Variants in PLXNA4 observed in about 807,000 individuals in gnomAD.
PLXNA4 encodes the protein plexin-A4.
In PLXNA4, 44 loss-of-function variants were observed where a neutral mutation model predicts 191.8. That is an observed-to-expected ratio of 0.23 (90% confidence interval 0.18 to 0.29). The LOEUF (loss-of-function observed/expected upper bound fraction) is 0.29, where lower values mean the gene tolerates loss of function less well. PLXNA4 is among the 10% of genes least tolerant of loss of function. The pLI is 1.00. For missense variants in PLXNA4, 1,800 were observed against 2,488.8 expected (o/e 0.72, Z 5.89); for synonymous variants, 1,082 against 1,009.5 (o/e 1.07, Z -1.36).
At chr7:132,529,767 G>A (rs933655200) in intron 1 of PLXNA4, among the ~76,000 whole-genome samples, 4 of 151,878 alleles carry the variant, frequency 2.6e-5, no homozygotes, top group Admixed American at 1.3e-4. Flanking sequence ...CACCATGCCC[G>A]GCTAATTTTT....
At chr7:132,306,980 G>A (rs745760770) in intron 3 of PLXNA4, among the ~76,000 whole-genome samples, 20 of 152,116 alleles carry the variant, frequency 1.3e-4, no homozygotes, top group Non-Finnish European at 2.2e-4. Context: ...CAACTGGCTC[G>A]TTGTGGGTTA....
intron 3 of PLXNA4, among the ~76,000 whole-genome samples, chr7:132,424,025 C>A (rs1012195598): frequency 6.6e-6 from 1 of 152,172 alleles, no homozygotes; most frequent in Non-Finnish European, 1.5e-5. Flanking sequence ...TGCCCTTTGC[C>A]TCTAACCACG....
At chr7:132,198,929 G>A (rs1043842575) in intron 12 of PLXNA4, among the ~76,000 whole-genome samples, 6 of 152,138 alleles carry the variant, frequency 3.9e-5, no homozygotes, top group Admixed American at 6.5e-5. Flanking sequence ...CGGGTGATTC[G>A]TAGAAAATTG....
At chr7:132,520,105 A>T (rs942515292) in intron 1 of PLXNA4, among the ~76,000 whole-genome samples, 3 of 152,308 alleles carry the variant, frequency 2.0e-5, no homozygotes, top group African/African-American at 7.2e-5. Context: ...GGTGACAAAA[A>T]GCTGGTGCTG....
At chr7:132,195,513 G>C (rs1469929215) in intron 13 of PLXNA4, among the ~76,000 whole-genome samples, 1 of 152,182 alleles carries the variant, frequency 6.6e-6, no homozygotes. Flanking sequence ...TTTAATATTT[G>C]GTAGGTAGAG....
At chr7:132,206,638 G>A (rs1797631189) in intron 10 of PLXNA4, among the ~76,000 whole-genome samples, 1 of 152,130 alleles carries the variant, frequency 6.6e-6, no homozygotes, top group African/African-American at 2.4e-5. Flanking sequence ...GCCCCGCTCT[G>A]TCTCTAGGGA....
In PLXNA4 at chr7:132,129,769, C is replaced by CGG. The variant is rs1398833547; in HGVS notation, c.*708_*709dup. On this transcript the variant is annotated 3_prime_UTR_variant, in exon 32 of 32. Transcript: ENST00000321063. The stretch of plus-strand genomic sequence containing the variant: ...TTTCTCCTGCCTGGCTTTCTACTGG[C>CGG]GGGGGAGCAGGCAGGGCAGGCAGGT... The CGG allele has an allele frequency of 6.6e-6, 1 of 152,570 alleles. No homozygotes were observed. The highest frequency in any genetic ancestry group is 1.5e-5 in the Non-Finnish European group (1 of 68,052). The allele number at this position is 152,570 out of a possible 1,614,324, so 9.5% of individuals were successfully genotyped here.
chr7:132,388,511 C>T (rs1282670844), intron 3 of PLXNA4, among the ~76,000 whole-genome samples: 1 of 152,100 alleles, frequency 6.6e-6, no homozygotes, highest in African/African-American at 2.4e-5. Flanking sequence ...TTGTAATAGT[C>T]TACCCTAACT....
chr7:132,596,211 G>A (rs1802707477), intron 2 of PLXNA4, among the ~76,000 whole-genome samples: 1 of 152,150 alleles, frequency 6.6e-6, no homozygotes, highest in Non-Finnish European at 1.5e-5. Flanking sequence ...ATGATTGCTT[G>A]TTTCTGGTGT....
At chr7:132,364,226 T>C (rs912949568) in intron 3 of PLXNA4, among the ~76,000 whole-genome samples, 2 of 152,196 alleles carry the variant, frequency 1.3e-5, no homozygotes, top group African/African-American at 4.8e-5. Context: ...GCCATTCACA[T>C]TTTGGTTATG....
At chr7:132,571,789 T>C (rs988455097) in intron 1 of PLXNA4, among the ~76,000 whole-genome samples, 5 of 152,150 alleles carry the variant, frequency 3.3e-5, no homozygotes, top group African/African-American at 1.2e-4. Context: ...CCTATCAGAA[T>C]TGGAGCCTCA....
At chr7:132,528,621 T>A (rs2116418638) in intron 1 of PLXNA4, among the ~76,000 whole-genome samples, 1 of 152,306 alleles carries the variant, frequency 6.6e-6, no homozygotes, top group African/African-American at 2.4e-5. Flanking sequence ...ATTTTTTTGC[T>A]CTTTAAAAGA....
chr7:132,175,461 G>A (rs943627041), intron 20 of PLXNA4, among the ~76,000 whole-genome samples: 1 of 152,246 alleles, frequency 6.6e-6, no homozygotes, highest in African/African-American at 2.4e-5. Flanking sequence ...ATGGGGCAGA[G>A]ATGGAGGCTC....
At chr7:132,138,310 A>T (rs1309067468) in intron 30 of PLXNA4, among the ~76,000 whole-genome samples, 1 of 152,188 alleles carries the variant, frequency 6.6e-6, no homozygotes, top group African/African-American at 2.4e-5. Context: ...TTCAGAAGTG[A>T]CCAAGCCGTG....
intron 18 of PLXNA4, 63 bp downstream of exon 18, chr7:132,181,318 C>A: frequency 6.3e-7 from 1 of 1,596,422 alleles, no homozygotes; most frequent in Non-Finnish European, 8.5e-7. Flanking sequence ...GTGACTTGAA[C>A]ACCCCCTTCC....
chr7:132,344,095 A>T (rs1803146041), intron 3 of PLXNA4, among the ~76,000 whole-genome samples: 1 of 152,090 alleles, frequency 6.6e-6, no homozygotes. Flanking sequence ...TCAGGATGAC[A>T]CCAGTGCAGT....
intron 3 of PLXNA4, among the ~76,000 whole-genome samples, chr7:132,444,109 C>T (rs923616767): frequency 6.6e-6 from 1 of 152,252 alleles, no homozygotes; most frequent in Non-Finnish European, 1.5e-5. Context: ...GATTAATACC[C>T]TTTTCTAGAA....
At chr7:132,543,977 C>A (rs75337813) in intron 1 of PLXNA4, among the ~76,000 whole-genome samples, 1 of 152,130 alleles carries the variant, frequency 6.6e-6, no homozygotes, top group Non-Finnish European at 1.5e-5. Flanking sequence ...GAGTGAGGCA[C>A]ACCAACTAGA....
chr7:132,609,154 C>T (rs1234938468), intron 2 of PLXNA4, among the ~76,000 whole-genome samples: 1 of 152,164 alleles, frequency 6.6e-6, no homozygotes, highest in Non-Finnish European at 1.5e-5. Context: ...GCATTTTACA[C>T]GTTTTGTCAT....
Sources: allele counts gnomAD v4.1 joint callset (sites outside exome capture counted in the v4.1 genomes callset), GRCh38; gene constraint gnomAD v4.1.1; transcripts MANE v1.5; gene names NCBI Gene and HGNC (gene_info 2026-07-23, HGNC 2026-07-21).